Variants in HSPA9 observed in about 807,000 individuals in gnomAD.
The protein encoded by HSPA9 is heat shock protein family A (Hsp70) member 9.
Under a neutral mutation model 81.5 loss-of-function variants are expected in HSPA9, and 28 were observed. That is an observed-to-expected ratio of 0.34 (90% confidence interval 0.25 to 0.47). The LOEUF (loss-of-function observed/expected upper bound fraction) is 0.47. HSPA9 is among the 20% of genes least tolerant of loss of function. The pLI is 1.00. For missense variants in HSPA9, 678 were observed against 838.0 expected, an observed-to-expected ratio of 0.81 and a Z score of 2.36; for synonymous variants, 293 against 290.4, an observed-to-expected ratio of 1.01 and a Z score of -0.09.
In HSPA9 at chr5:138,553,836, C is replaced by T. The variant is rs1188125515; in HGVS notation, c.*2201G>A. Among the ~76,000 whole-genome samples, 2 of 152,170 alleles carry T rather than the reference C, an allele frequency of 1.3e-5. No homozygotes were observed. Among genetic ancestry groups the T allele is most frequent in the East Asian group, 3.8e-4 (2 of 5,202 alleles). On this transcript the variant is annotated 3_prime_UTR_variant, in exon 17 of 17. Coordinates refer to ENST00000297185, the MANE Select transcript of HSPA9 (RefSeq NM_004134.7). ...TAACGGGTTAAACATTTGTCTCTCT[C>T]CAGAAGAGATTAGTATTGAATTGGA...
At chr5:138,559,017 T>A in intron 11 of HSPA9, 1 of 262,288 alleles carries the variant, frequency 3.8e-6, no homozygotes. Context: ...CAGAGTGATG[T>A]GTTGACAAAT....
Position 138,554,927 on chromosome 5 carries a change from A to T in HSPA9, c.*1110T>A, listed in dbSNP as rs951184719. 1 of 152,238 alleles carries T rather than the reference A, an allele frequency of 6.6e-6. No homozygotes were observed. The highest frequency in any genetic ancestry group is 1.9e-4 in the East Asian group (1 of 5,202). The allele number at this position is 152,238 out of a possible 1,614,324, so 9.4% of individuals were successfully genotyped here. On this transcript the variant is annotated 3_prime_UTR_variant, in exon 17 of 17. Transcript: ENST00000297185. Reference sequence around the variant, plus strand: ...CCTTTTATTTTTGAGCCATAGAAATAGTATCTTAGGACTTATTTCTAGATG... The same window carrying T: ...CCTTTTATTTTTGAGCCATAGAAATTGTATCTTAGGACTTATTTCTAGATG...
chr5:138,565,907 C>T (rs777675702), intron 9 of HSPA9, among the ~76,000 whole-genome samples: 6 of 152,130 alleles, frequency 3.9e-5, no homozygotes, highest in South Asian at 2.1e-4. Context: ...GACAATTAGC[C>T]GGGCTCAGTG....
In HSPA9 at chr5:138,569,047, T is replaced by A; in HGVS notation, c.413A>T (p.Lys138Ile). ...ACGGACAATTTTAAAGGGAACATTTTTACTGTAAGACACAAAAATTCTATT... is the reference window on the plus strand; with the variant it reads ...ACGGACAATTTTAAAGGGAACATTTATACTGTAAGACACAAAAATTCTATT... ...YDDPEVQKDI[K>I]NVPFKIVRAS... Residue 138 changes from lysine to isoleucine, a missense_variant and splice_region_variant, in exon 5 of 17, where the codon AAA becomes ATA. Around this residue, in one of 4 missense-constraint regions of HSPA9, gnomAD observed 484 missense variants for 647.5 expected, o/e 0.75. Coordinates refer to ENST00000297185, the MANE Select transcript of HSPA9 (RefSeq NM_004134.7). 6.2e-7 allele frequency: 1 copy of A among 1,613,716 alleles called. No individual in the cohort carries two copies.
Position 138,567,673 on chromosome 5 carries a change from A to C in HSPA9, c.585T>G (p.Ala195=). ...TAKNAVITVP[A]YFNDSQRQAT... is the part of the protein sequence containing the mutation. ...CCTGTCTCTGCGAGTCATTGAAATA[A>C]GCTGGGACTGTGATCACAGCATTTT... is the stretch of plus-strand genomic sequence containing the variant. The change falls in exon 6 of 17, where the codon GCT becomes GCG. Residue 195 remains alanine (A), a synonymous_variant. Transcript: ENST00000297185. The C allele has an allele frequency of 6.2e-7, 1 of 1,614,002 alleles. No individual in the cohort carries two copies. The highest frequency in any genetic ancestry group is 1.7e-5 in the Admixed American group (1 of 60,028).
chr5:138,556,005 T>C lies in HSPA9; in HGVS notation c.*32A>G. ...TCTCTTCACTCCTAAGCTTCATATG[T>C]TGTCCTTCTGGCTTCAAAATTTCTG... On this transcript the variant is annotated 3_prime_UTR_variant, in exon 17 of 17. Coordinates refer to ENST00000297185, the MANE Select transcript of HSPA9 (RefSeq NM_004134.7). The C allele has an allele frequency of 1.3e-6, 2 of 1,506,530 alleles. No individual in the cohort carries two copies. Among genetic ancestry groups the C allele is most frequent in the Non-Finnish European group, 1.8e-6 (2 of 1,082,636 alleles). The allele number at this position is 1,506,530 out of a possible 1,614,324, so 93.3% of individuals were successfully genotyped here.
chr5:138,575,259 G>A lies in HSPA9; in HGVS notation c.60C>T (p.Gly20=), dbSNP rs768388386. The A allele has an allele frequency of 6.2e-7, 1 of 1,609,156 alleles. No homozygotes were observed. The highest frequency in any genetic ancestry group is 1.1e-5 in the South Asian group (1 of 90,316). The change falls in exon 1 of 17, where the codon GGC becomes GGT. Residue 20 remains glycine, a synonymous_variant. Transcript: ENST00000297185. ...TCACCTGGTGGCGGGCGGCCGTAGGGCCCCGGGAGGCTGCGGCGCCCACGA... is the reference window on the plus strand; with the variant it reads ...TCACCTGGTGGCGGGCGGCCGTAGGACCCCGGGAGGCTGCGGCGCCCACGA... ...ARLVGAAASR[G]PTAARHQDSW... is the part of the protein sequence containing the mutation.
intron 11 of HSPA9, among the ~76,000 whole-genome samples, chr5:138,559,529 C>T (rs256002): frequency 0.52 from 78,985 of 151,926 alleles, 22,787 homozygotes; most frequent in East Asian, 0.8. Flanking sequence ...GTCCAGACTA[C>T]CCTTTTTACT....
chr5:138,558,999 C>A, intron 11 of HSPA9: 1 of 285,470 alleles, frequency 3.5e-6, no homozygotes, highest in Non-Finnish European at 6.9e-6. Flanking sequence ...TCACCACATA[C>A]TTTTCTTCAG....
chr5:138,567,858 C>T lies in HSPA9; in HGVS notation c.536-136G>A, dbSNP rs532578349. The T allele has an allele frequency of 7.5e-5, 54 of 722,370 alleles. 3 individuals are homozygous for T. The highest frequency in any genetic ancestry group is 4.5e-4 in the African/African-American group (26 of 57,520). 44.7% of individuals were successfully genotyped at this position (722,370 alleles called of 1,614,324 possible). On this transcript the variant is annotated intron_variant, in intron 5 of 16. Transcript: ENST00000297185. ...TGGTAAGTGACCTAATATGTCCTTG[C>T]AGGAAACACTCCAAGTAAATACACT...
chr5:138,575,320 G>T lies in HSPA9; in HGVS notation c.-2C>A. The T allele has an allele frequency of 6.2e-7, 1 of 1,611,154 alleles. No individual in the cohort carries two copies. Among genetic ancestry groups the T allele is most frequent in the Non-Finnish European group, 8.5e-7 (1 of 1,178,624 alleles). ...TGCAGCTCGGCTGGCACTTATCATG[G>T]CGGATAAATGGAGGAGTACGAGGCA... On this transcript the variant is annotated 5_prime_UTR_variant, in exon 1 of 17. Coordinates refer to ENST00000297185, the MANE Select transcript of HSPA9 (RefSeq NM_004134.7).
intron 13 of HSPA9, 82 bp from the exon 14 acceptor site, chr5:138,557,578 T>C (rs1561856606): frequency 1.9e-5 from 16 of 858,024 alleles, no homozygotes; most frequent in South Asian, 1.7e-4. Context: ...AGAGTACTCC[T>C]GCTCATAGCA....
intron 3 of HSPA9, 149 bp downstream of exon 3, chr5:138,573,614 T>C (rs1751000377): frequency 3.4e-6 from 2 of 590,772 alleles, no homozygotes; most frequent in African/African-American, 2.4e-5. Context: ...GCCACTGCAC[T>C]CCACCATGGG....
At chr5:138,566,260 A>C (rs1750757908) in intron 9 of HSPA9, among the ~76,000 whole-genome samples, 1 of 149,960 alleles carries the variant, frequency 6.7e-6, no homozygotes, top group East Asian at 1.9e-4. Flanking sequence ...GTTATTTAAT[A>C]TTGTCAGTTA....
chr5:138,563,446 C>CT (rs1750698447), intron 9 of HSPA9, among the ~76,000 whole-genome samples: 1 of 152,160 alleles, frequency 6.6e-6, no homozygotes, highest in Non-Finnish European at 1.5e-5. Context: ...ATGTTCTTTC[C>CT]TTACCCTCCT....
Position 138,556,574 on chromosome 5 carries a change from CTTCT to C in HSPA9, c.1836_1839del (p.Glu613ArgfsTer5), listed in dbSNP as rs1750525592. ...AGGAGCTCCCTCATTTTGGAAATCTCTTCTTTCAGCTTGTTGCACTTAAAAAAAG... is the reference window on the plus strand; with the variant it reads ...AGGAGCTCCCTCATTTTGGAAATCTCTTCAGCTTGTTGCACTTAAAAAAAG... On this transcript the variant is annotated frameshift_variant, in exon 16 of 17. Transcript: ENST00000297185. LOFTEE classifies it high-confidence loss of function. 1 of 1,613,944 alleles carries C rather than the reference CTTCT, an allele frequency of 6.2e-7. No individual in the cohort carries two copies. The highest frequency in any genetic ancestry group is 1.3e-5 in the African/African-American group (1 of 74,914).
At chr5:138,570,024 C>T (rs978927645) in intron 4 of HSPA9, among the ~76,000 whole-genome samples, 2 of 151,814 alleles carry the variant, frequency 1.3e-5, no homozygotes, top group East Asian at 2.0e-4. Flanking sequence ...ACTATAGGCG[C>T]GCACCACCGA....
At position 138,554,017 on chromosome 5, in the gene HSPA9, T is replaced by C. The variant is rs1313603594; in HGVS notation, c.*2020A>G. 3.9e-5 allele frequency among the ~76,000 whole-genome samples: 6 copies of C among 152,212 alleles called. No homozygotes were observed. The highest frequency in any genetic ancestry group is 2.4e-5 in the African/African-American group (1 of 41,444). ...TTTACCCCAACAGCTTTCCCAGCAG[T>C]GGACTGTGGGTGGGACCTCGGTTCC... On this transcript the variant is annotated 3_prime_UTR_variant, in exon 17 of 17. Coordinates refer to ENST00000297185, the MANE Select transcript of HSPA9 (RefSeq NM_004134.7).
chr5:138,556,757 TTTAAAATAGAACTCACC>T lies in HSPA9; in HGVS notation c.1821_1821+16del. The T allele has an allele frequency of 6.3e-7, 1 of 1,599,520 alleles. No individual in the cohort carries two copies. The highest frequency in any genetic ancestry group is 2.2e-5 in the East Asian group (1 of 44,786). On this transcript the variant is annotated splice_donor_variant and splice_donor_5th_base_variant and coding_sequence_variant and intron_variant, in exon 15 of 17. Coordinates refer to ENST00000297185, the MANE Select transcript of HSPA9 (RefSeq NM_004134.7). LOFTEE classifies it high-confidence loss of function. Reference sequence around the variant, plus strand: ...AAATGTGTTCAACCTCTTGAGTTACTTTAAAATAGAACTCACCTCATCAGCAGGTAATTGGTCCTTGA... The same window carrying T: ...AAATGTGTTCAACCTCTTGAGTTACTTCATCAGCAGGTAATTGGTCCTTGA...
Sources: allele counts gnomAD v4.1 joint callset (sites outside exome capture counted in the v4.1 genomes callset), GRCh38; gene constraint gnomAD v4.1.1; regional missense constraint gnomAD v4.1.1; transcripts MANE v1.5; gene names NCBI Gene and HGNC (gene_info 2026-07-23, HGNC 2026-07-21).